The following HOOK1 variants were observed in gnomAD, a reference collection of about 807,000 sequenced individuals.
The protein encoded by HOOK1 is protein Hook homolog 1.
Under a neutral mutation model 112.8 loss-of-function variants are expected in HOOK1, and 60 were observed. The ratio of observed to expected loss-of-function variants is 0.53; its 90% CI spans 0.43 to 0.66. The LOEUF is 0.66. Among genes scored for constraint, HOOK1 ranks in the 30% least tolerant of loss-of-function variants. The pLI is 0.00. For synonymous variants in HOOK1, 294 were observed against 283.8 expected, an observed-to-expected ratio of 1.04 and a Z score of -0.36; for missense variants, 770 against 856.0, an observed-to-expected ratio of 0.90 and a Z score of 1.25.
At chr1:59,842,882 C>A (rs974304204) in intron 8 of HOOK1, among the ~76,000 whole-genome samples, 1 of 152,014 alleles carries the variant, frequency 6.6e-6, no homozygotes. Flanking sequence ...TGTTTTTATT[C>A]GTTTTAAATC....
chr1:59,832,121 T>A (rs1388560492), intron 3 of HOOK1, 42 bp from the exon 4 acceptor site: 1 of 1,140,536 alleles, frequency 8.8e-7, no homozygotes. Context: ...TTTTCTTTCA[T>A]TATTAATCTG....
At chr1:59,823,158 A>G (rs1450693946) in intron 2 of HOOK1, among the ~76,000 whole-genome samples, 1 of 152,100 alleles carries the variant, frequency 6.6e-6, no homozygotes, top group Non-Finnish European at 1.5e-5. Context: ...ATCTCTACTA[A>G]AAATACAAAA....
chr1:59,846,940 G>T (rs557958467), intron 9 of HOOK1, 105 bp from the exon 10 acceptor site: 7 of 741,122 alleles, frequency 9.4e-6, no homozygotes, highest in Non-Finnish European at 1.5e-5. Context: ...ATTTTATTGT[G>T]TTGAGTGTTA....
At chr1:59,826,523 G>C (rs965806915) in intron 2 of HOOK1, among the ~76,000 whole-genome samples, 1 of 152,006 alleles carries the variant, frequency 6.6e-6, no homozygotes, top group South Asian at 2.1e-4. Flanking sequence ...GAGATAGAAA[G>C]GAAGATGAGG....
intron 13 of HOOK1, among the ~76,000 whole-genome samples, chr1:59,858,723 A>G (rs574781162): frequency 6.6e-6 from 1 of 150,838 alleles, no homozygotes; most frequent in Admixed American, 6.6e-5. Flanking sequence ...GGTGTGAAAG[A>G]GAAAAAGAGA....
intron 12 of HOOK1, among the ~76,000 whole-genome samples, chr1:59,856,806 G>A (rs760910082): frequency 6.6e-6 from 1 of 152,092 alleles, no homozygotes; most frequent in Non-Finnish European, 1.5e-5. Context: ...TCAGTGCTTA[G>A]GCAGTTTGAA....
rs11581778 is a variant in HOOK1, at chr1:59,869,481, C to T, written c.1947+1130C>T. Among the ~76,000 whole-genome samples the T allele has an allele frequency of 1.7e-3, 255 of 152,234 alleles. 1 individual carries two copies. The highest frequency in any genetic ancestry group is 5.8e-3 in the African/African-American group (243 of 41,542). ...TGCTGGGATTACAGACGTGAGCCAC[C>T]GCACCTAGCTGTATTCAGTTTCTTT... On this transcript the variant is annotated intron_variant, in intron 20 of 21. Transcript: ENST00000371208.
intron 20 of HOOK1, 36 bp downstream of exon 20, chr1:59,868,387 T>C (rs1216242537): frequency 1.7e-6 from 2 of 1,203,456 alleles, no homozygotes; most frequent in East Asian, 2.3e-5. Flanking sequence ...TTTAGTTATT[T>C]TGTAGAATCC....
chr1:59,825,804 TGTATAAA>T (rs1293676076), intron 2 of HOOK1, among the ~76,000 whole-genome samples: 2 of 152,186 alleles, frequency 1.3e-5, no homozygotes, highest in Non-Finnish European at 2.9e-5. Flanking sequence ...AAGTCAGTTG[TGTATAAA>T]GTATAGATAG....
rs182389565 is a variant in HOOK1 at position 59,862,511 on chromosome 1, G to A, written c.1533-273G>A. On this transcript the variant is annotated intron_variant, in intron 15 of 21. Coordinates refer to ENST00000371208, the MANE Select transcript of HOOK1 (RefSeq NM_015888.6). Reference sequence around the variant, plus strand: ...TTCTGATTTTTCTACCAGTGAGTGCGGTGTAGAAATTTTTTGCCACCGACA... The same window carrying A: ...TTCTGATTTTTCTACCAGTGAGTGCAGTGTAGAAATTTTTTGCCACCGACA... Among the ~76,000 whole-genome samples, 19 of 152,036 alleles carry A rather than the reference G, an allele frequency of 1.2e-4. No individual in the cohort carries two copies. The Middle Eastern group carries it at 0.01, about 82-fold the overall frequency.
At chr1:59,827,319 T>C (rs1340242915) in intron 2 of HOOK1, among the ~76,000 whole-genome samples, 1 of 152,244 alleles carries the variant, frequency 6.6e-6, no homozygotes, top group African/African-American at 2.4e-5. Flanking sequence ...TAGTATCATC[T>C]AGAAAATATC....
In HOOK1 at chr1:59,859,058, C is replaced by A. The variant is rs758115957; in HGVS notation, c.1391+13C>A. 1.5e-6 allele frequency: 2 copies of A among 1,370,764 alleles called. No individual in the cohort carries two copies. The highest frequency in any genetic ancestry group is 2.0e-6 in the Non-Finnish European group (2 of 1,010,610). The allele number at this position is 1,370,764 out of a possible 1,614,324, so 84.9% of individuals were successfully genotyped here. Reference sequence around the variant, plus strand: ...CAGTGGAATATAGGTAAATTTGTTTCATAATTTGATAGAATTATATTTAAT... The same window carrying A: ...CAGTGGAATATAGGTAAATTTGTTTAATAATTTGATAGAATTATATTTAAT... On this transcript the variant is annotated intron_variant, in intron 14 of 21. Transcript: ENST00000371208.
chr1:59,821,279 T>A (rs1235182933), intron 1 of HOOK1, among the ~76,000 whole-genome samples: 2 of 152,192 alleles, frequency 1.3e-5, no homozygotes, highest in Non-Finnish European at 2.9e-5. Context: ...AACAGATATA[T>A]GTGAAAAGTT....
Position 59,864,637 on chromosome 1 carries a change from C to A in HOOK1, c.1632C>A (p.Ser544Arg). 6.5e-7 allele frequency: 1 copy of A among 1,541,880 alleles called. No individual in the cohort carries two copies. The highest frequency in any genetic ancestry group is 8.9e-7 in the Non-Finnish European group (1 of 1,121,506). ...QGSKSEGESSSKLKQKLEAHM... is the reference protein window; with the variant it reads ...QGSKSEGESSRKLKQKLEAHM... ...ATTTTTTTTAAATTTTATAGTCCAG[C>A]AAATTAAAGCAGAAGTTGGAAGCTC... The change falls in exon 17 of 22, where the codon AGC becomes AGA. Residue 544 changes from serine to arginine, a missense_variant. Around this residue, in one of 3 missense-constraint regions of HOOK1, gnomAD observed 655 missense variants for 725.9 expected, o/e 0.90. Coordinates refer to ENST00000371208, the MANE Select transcript of HOOK1 (RefSeq NM_015888.6).
rs751382629 is a variant in HOOK1 at position 59,833,464 on chromosome 1, T to G, written c.333T>G (p.Cys111Trp). Reference protein sequence around the residue: ...LIPDLNQITECSDPVELGRLL... With the variant: ...LIPDLNQITEWSDPVELGRLL... Reference sequence around the variant, plus strand: ...CTGATTTAAACCAAATAACCGAATGTTCAGATCCAGTGGAGCTTGGGAGGT... The same window carrying G: ...CTGATTTAAACCAAATAACCGAATGGTCAGATCCAGTGGAGCTTGGGAGGT... The change falls in exon 5 of 22, where the codon TGT becomes TGG. Residue 111 changes from cysteine to tryptophan, a missense_variant. Transcript: ENST00000371208. 6.3e-7 allele frequency: 1 copy of G among 1,592,846 alleles called. No individual in the cohort carries two copies. Among genetic ancestry groups the G allele is most frequent in the African/African-American group, 1.3e-5 (1 of 74,688 alleles).
At chr1:59,836,973 A>G (rs2098398156) in intron 7 of HOOK1, 38 bp downstream of exon 7, 2 of 1,309,634 alleles carry the variant, frequency 1.5e-6, no homozygotes, top group East Asian at 4.6e-5. Context: ...GTTGAAAGCA[A>G]TGTTAGGGTT....
chr1:59,836,381 G>C (rs2102025261), intron 6 of HOOK1, among the ~76,000 whole-genome samples: 1 of 152,284 alleles, frequency 6.6e-6, no homozygotes, highest in East Asian at 1.9e-4. Context: ...CCCTGAGTTT[G>C]CATTGTTGGT....
chr1:59,867,594 G>A (rs1168589191), intron 19 of HOOK1, among the ~76,000 whole-genome samples: 1 of 152,010 alleles, frequency 6.6e-6, no homozygotes, highest in Non-Finnish European at 1.5e-5. Flanking sequence ...ATATATTCTT[G>A]ACATTTCTGA....
At chr1:59,822,215 G>A (rs1208558931) in intron 2 of HOOK1, among the ~76,000 whole-genome samples, 1 of 152,092 alleles carries the variant, frequency 6.6e-6, no homozygotes, top group Non-Finnish European at 1.5e-5. Flanking sequence ...TTATGAGCAT[G>A]TTCACACTAT....
Sources: gnomAD v4.1 joint callset for allele counts (sites outside exome capture counted in the v4.1 genomes callset) on GRCh38, gnomAD v4.1.1 for gene constraint, gnomAD v4.1.1 regional missense constraint, MANE v1.5 for transcripts, NCBI Gene and HGNC (gene_info 2026-07-23, HGNC 2026-07-21) for gene names.